ANO10: variants seen among roughly 807,000 people sequenced by gnomAD.
ANO10 encodes anoctamin-10.
In ANO10, 77 loss-of-function variants were observed where a neutral mutation model predicts 74.7. That is an observed-to-expected ratio of 1.03 (90% confidence interval 0.86 to 1.25). The LOEUF is 1.25. ANO10 is among the 50% of genes most tolerant of loss of function. The pLI, the probability that ANO10 is intolerant of heterozygous loss-of-function variation, is 0.00. For synonymous variants in ANO10, 279 were observed against 284.9 expected (o/e 0.98, Z 0.21); for missense variants, 721 against 778.1 (o/e 0.93, Z 0.87).
intron 12 of ANO10, among the ~76,000 whole-genome samples, chr3:43,422,438 T>C (rs147140966): frequency 1.3e-5 from 2 of 152,254 alleles, no homozygotes; most frequent in East Asian, 1.9e-4. Context: ...TTAAATATAG[T>C]TTTAAGCATT....
intron 1 of ANO10, among the ~76,000 whole-genome samples, chr3:43,660,428 G>A (rs1400899777): frequency 6.6e-6 from 1 of 151,990 alleles, no homozygotes; most frequent in African/African-American, 2.4e-5. Flanking sequence ...GAAAACCACA[G>A]TACTAGAACT....
chr3:43,450,630 T>C (rs982230301), intron 11 of ANO10, among the ~76,000 whole-genome samples: 1 of 152,204 alleles, frequency 6.6e-6, no homozygotes, highest in African/African-American at 2.4e-5. Flanking sequence ...GGAAATCATA[T>C]GTCAATAACT....
intron 11 of ANO10, among the ~76,000 whole-genome samples, chr3:43,510,431 CAA>C (rs58246025): frequency 5.3e-5 from 7 of 131,152 alleles, no homozygotes; most frequent in Non-Finnish European, 4.8e-5. Context: ...AACTCTGTCT[CAA>C]AAAAAAAAAA....
intron 11 of ANO10, among the ~76,000 whole-genome samples, chr3:43,455,211 T>C (rs2075072394): frequency 6.6e-6 from 1 of 151,988 alleles, no homozygotes; most frequent in African/African-American, 2.4e-5. Flanking sequence ...ACTGGAGGAC[T>C]GAGGGAGGAG....
chr3:43,367,105 T>A, intron 12 of ANO10, 131 bp from the exon 13 acceptor site: 1 of 817,098 alleles, frequency 1.2e-6, no homozygotes, highest in South Asian at 1.5e-5. Context: ...TGCCTGCAGC[T>A]TCCTGCAAGT....
intron 11 of ANO10, among the ~76,000 whole-genome samples, chr3:43,509,418 A>C (rs1285648749): frequency 6.6e-6 from 1 of 152,230 alleles, no homozygotes. Flanking sequence ...AAGAGGATTC[A>C]GCAATGGCAA....
intron 4 of ANO10, among the ~76,000 whole-genome samples, chr3:43,595,053 A>G (rs2082007337): frequency 6.6e-6 from 1 of 152,222 alleles, no homozygotes; most frequent in African/African-American, 2.4e-5. Context: ...CCCTCCCAAG[A>G]CTAAACCAGG....
intron 12 of ANO10, among the ~76,000 whole-genome samples, chr3:43,403,227 A>T (rs899532656): frequency 6.6e-6 from 1 of 152,408 alleles, no homozygotes; most frequent in African/African-American, 2.4e-5. Context: ...GAACTGCAGC[A>T]AACTCACAGA....
intron 1 of ANO10, among the ~76,000 whole-genome samples, chr3:43,629,826 GAGTC>G (rs1160151546): frequency 6.6e-6 from 1 of 152,190 alleles, no homozygotes; most frequent in African/African-American, 2.4e-5. Flanking sequence ...TTGGAAATCT[GAGTC>G]AGTAAATAGG....
At chr3:43,547,587 T>C (rs1437020098) in intron 11 of ANO10, among the ~76,000 whole-genome samples, 2 of 152,120 alleles carry the variant, frequency 1.3e-5, no homozygotes, top group Admixed American at 6.5e-5. Flanking sequence ...AGACAATAAA[T>C]AAATAAATAA....
At chr3:43,382,512 C>T (rs1349443371) in intron 12 of ANO10, among the ~76,000 whole-genome samples, 1 of 143,272 alleles carries the variant, frequency 7.0e-6, no homozygotes, top group Admixed American at 6.9e-5. Context: ...GAGCGAGACT[C>T]CGTCTCAAAA....
At chr3:43,565,506 A>C in intron 8 of ANO10, 147 bp downstream of exon 8, 1 of 755,612 alleles carries the variant, frequency 1.3e-6, no homozygotes. Context: ...ATTCCTAATA[A>C]TTTTTTATTT....
intron 1 of ANO10, among the ~76,000 whole-genome samples, chr3:43,654,451 A>T (rs1575580598): frequency 6.6e-6 from 1 of 152,106 alleles, no homozygotes; most frequent in South Asian, 2.1e-4. Flanking sequence ...CCTCTAACTG[A>T]GAGTTAACAT....
At chr3:43,628,158 C>T (rs1021087346) in intron 1 of ANO10, among the ~76,000 whole-genome samples, 7 of 152,142 alleles carry the variant, frequency 4.6e-5, no homozygotes, top group African/African-American at 1.4e-4. Flanking sequence ...GTTTACTCAG[C>T]AAGGAGGTGT....
At chr3:43,550,707 T>A (rs1484113088) in intron 10 of ANO10, among the ~76,000 whole-genome samples, 2 of 146,724 alleles carry the variant, frequency 1.4e-5, no homozygotes, top group African/African-American at 2.8e-5. Context: ...GTTTTCTTCA[T>A]AAGAAATCTA....
chr3:43,553,938 T>C (rs1045083361), intron 10 of ANO10, among the ~76,000 whole-genome samples: 1 of 152,242 alleles, frequency 6.6e-6, no homozygotes, highest in African/African-American at 2.4e-5. Context: ...ATTATGGTAT[T>C]TGTCACTTCT....
At chr3:43,565,845 A>C (rs759084297) in intron 7 of ANO10, 118 bp from the exon 8 acceptor site, 557 of 1,052,816 alleles carry the variant, frequency 5.3e-4, no homozygotes, top group Non-Finnish European at 7.2e-4. Context: ...AGAGGGCCGA[A>C]TAGGAACAGC....
At chr3:43,536,906 C>T (rs2078734430) in intron 11 of ANO10, among the ~76,000 whole-genome samples, 1 of 147,052 alleles carries the variant, frequency 6.8e-6, no homozygotes, top group African/African-American at 2.5e-5. Context: ...GAAAATCACT[C>T]ATCTTGGTGT....
chr3:43,474,847 G>A (rs1444716511), intron 11 of ANO10, among the ~76,000 whole-genome samples: 3 of 152,068 alleles, frequency 2.0e-5, no homozygotes, highest in African/African-American at 7.2e-5. Flanking sequence ...TAGTCAAGAG[G>A]GGAGTTTGAA....
Sources: gnomAD v4.1 joint callset for allele counts (sites outside exome capture counted in the v4.1 genomes callset) on GRCh38, gnomAD v4.1.1 for gene constraint, MANE v1.5 for transcripts, NCBI Gene and HGNC (gene_info 2026-07-23, HGNC 2026-07-21) for gene names.